Variants in MOB3B observed in about 807,000 individuals in gnomAD.
MOB3B encodes MOB kinase activator-like 2B.
In MOB3B, 7 loss-of-function variants were observed where a neutral mutation model predicts 18.7. That is an observed-to-expected ratio of 0.37 (90% CI 0.21 to 0.70). MOB3B has a LOEUF of 0.70. Ranked by LOEUF, MOB3B falls within the 30% of genes least tolerant of loss-of-function variation. MOB3B has a pLI of 0.52. For missense variants in MOB3B, 253 were observed against 281.3 expected (o/e 0.90, Z 0.72); for synonymous variants, 111 against 99.9 (o/e 1.11, Z -0.66).
chr9:27,330,218 T>C lies in MOB3B; in HGVS notation c.*369A>G, dbSNP rs1446538425. 1 of 179,202 alleles carries C rather than the reference T, an allele frequency of 5.6e-6. No homozygotes were observed. The highest frequency in any genetic ancestry group is 1.4e-4 in the East Asian group (1 of 7,052). 11.1% of individuals were successfully genotyped at this position (179,202 alleles called of 1,614,324 possible). On this transcript the variant is annotated 3_prime_UTR_variant, in exon 4 of 4. Coordinates refer to ENST00000262244, the MANE Select transcript of MOB3B (RefSeq NM_024761.5). Reference sequence around the variant, plus strand: ...CTGACAAGACAGATAAGTGGAAAAATACGAACACGCATCTCAGTCTCAAAA... The same window carrying C: ...CTGACAAGACAGATAAGTGGAAAAACACGAACACGCATCTCAGTCTCAAAA...
rs145059095 is a variant in MOB3B at position 27,393,725 on chromosome 9, G to A, written c.419-34489C>T. Among the ~76,000 whole-genome samples, 5 of 152,202 alleles carry A rather than the reference G, an allele frequency of 3.3e-5. No individual in the cohort carries two copies. In the East Asian group the frequency reaches 9.6e-4, roughly 29 times the overall value. On this transcript the variant is annotated intron_variant, in intron 2 of 3. Coordinates refer to ENST00000262244, the MANE Select transcript of MOB3B (RefSeq NM_024761.5). ...ATTTTATTCCTCACAACAAACCTTCGATTATTATCCCCACTTTCCAGATGA... is the reference window on the plus strand; with the variant it reads ...ATTTTATTCCTCACAACAAACCTTCAATTATTATCCCCACTTTCCAGATGA...
intron 2 of MOB3B, among the ~76,000 whole-genome samples, chr9:27,366,753 A>G (rs1180202047): frequency 6.6e-6 from 1 of 152,178 alleles, no homozygotes; most frequent in Non-Finnish European, 1.5e-5. Context: ...TCTGAAGAGT[A>G]AGAACCAAAA....
At chr9:27,492,112 G>A (rs1271665208) in intron 1 of MOB3B, among the ~76,000 whole-genome samples, 1 of 152,202 alleles carries the variant, frequency 6.6e-6, no homozygotes, top group South Asian at 2.1e-4. Flanking sequence ...GCAAATTGCA[G>A]GGTATTTGCA....
At chr9:27,478,834 C>T (rs1165843443) in intron 1 of MOB3B, among the ~76,000 whole-genome samples, 1 of 151,692 alleles carries the variant, frequency 6.6e-6, no homozygotes, top group Non-Finnish European at 1.5e-5. Flanking sequence ...CACACACACA[C>T]ACACACACAC....
At chr9:27,478,506 A>G (rs1819595382) in intron 1 of MOB3B, among the ~76,000 whole-genome samples, 1 of 152,230 alleles carries the variant, frequency 6.6e-6, no homozygotes, top group African/African-American at 2.4e-5. Context: ...TAAAGATGAG[A>G]AAAACATGTT....
chr9:27,485,333 T>G (rs545971747), intron 1 of MOB3B, among the ~76,000 whole-genome samples: 31 of 152,304 alleles, frequency 2.0e-4, no homozygotes, highest in African/African-American at 6.3e-4. Flanking sequence ...GGAAATGGGT[T>G]CACTGAGGTT....
At chr9:27,529,033 C>T (rs961471945) in intron 1 of MOB3B, among the ~76,000 whole-genome samples, 1 of 152,112 alleles carries the variant, frequency 6.6e-6, no homozygotes, top group African/African-American at 2.4e-5. Context: ...TCGTCAGCCC[C>T]GGGGGCGACC....
chr9:27,529,239 A>G (rs1481355679), intron 1 of MOB3B, among the ~76,000 whole-genome samples: 1 of 151,882 alleles, frequency 6.6e-6, no homozygotes, highest in African/African-American at 2.4e-5. Flanking sequence ...CGAAAGAAGG[A>G]CGATCTTATT....
intron 1 of MOB3B, among the ~76,000 whole-genome samples, chr9:27,504,871 G>A (rs932642327): frequency 4.6e-5 from 7 of 152,130 alleles, no homozygotes; most frequent in Non-Finnish European, 2.9e-5. Flanking sequence ...AGGTTCTCAG[G>A]GAGAATCCAC....
intron 3 of MOB3B, among the ~76,000 whole-genome samples, chr9:27,335,893 G>C (rs139224236): frequency 1.3e-5 from 2 of 152,312 alleles, no homozygotes; most frequent in East Asian, 3.9e-4. Context: ...TGCTCTTGAA[G>C]AGAGAAAACC....
intron 1 of MOB3B, among the ~76,000 whole-genome samples, chr9:27,470,451 C>T (rs1819454014): frequency 6.6e-6 from 1 of 152,160 alleles, no homozygotes; most frequent in South Asian, 2.1e-4. Flanking sequence ...ATCCCTGCCC[C>T]TGCCCTTTCT....
intron 3 of MOB3B, among the ~76,000 whole-genome samples, chr9:27,348,454 A>G (rs2131345953): frequency 1.3e-5 from 2 of 152,176 alleles, no homozygotes; most frequent in South Asian, 4.1e-4. Context: ...GGAGTTCCAG[A>G]CCAGCCTGGC....
chr9:27,372,122 G>A (rs1265965627), intron 2 of MOB3B, among the ~76,000 whole-genome samples: 2 of 152,096 alleles, frequency 1.3e-5, no homozygotes, highest in Non-Finnish European at 2.9e-5. Context: ...TGGAGAAAAT[G>A]GCTGATTCTA....
intron 1 of MOB3B, chr9:27,524,721 T>C (rs1381868479): frequency 6.2e-7 from 1 of 1,613,910 alleles, no homozygotes; most frequent in Non-Finnish European, 8.5e-7. Context: ...GAACCAATGC[T>C]TGGAGGAAGA....
chr9:27,501,784 T>C (rs1307859795), intron 1 of MOB3B, among the ~76,000 whole-genome samples: 1 of 146,918 alleles, frequency 6.8e-6, no homozygotes, highest in East Asian at 2.0e-4. Context: ...AAAAAAAAAG[T>C]GCTATTTGTG....
chr9:27,369,302 A>C (rs536504800), intron 2 of MOB3B, among the ~76,000 whole-genome samples: 132 of 152,330 alleles, frequency 8.7e-4, no homozygotes, highest in African/African-American at 3.2e-3. Flanking sequence ...TTTATTCCCC[A>C]GTAGAATCTT....
intron 1 of MOB3B, among the ~76,000 whole-genome samples, chr9:27,522,420 CATAT>C (rs66472709): frequency 0.33 from 46,857 of 141,060 alleles, 8,639 homozygotes; most frequent in Non-Finnish European, 0.43. Context: ...GACATTTTTT[CATAT>C]ATATATATAT....
chr9:27,439,213 G>A (rs1297989837), intron 2 of MOB3B, among the ~76,000 whole-genome samples: 8 of 152,096 alleles, frequency 5.3e-5, no homozygotes, highest in Non-Finnish European at 8.8e-5. Context: ...AAGAGGAAAG[G>A]CAAACAGAAT....
intron 2 of MOB3B, among the ~76,000 whole-genome samples, chr9:27,396,536 A>G (rs1245064725): frequency 6.6e-6 from 1 of 152,140 alleles, no homozygotes; most frequent in Admixed American, 6.6e-5. Flanking sequence ...AATGATATGT[A>G]CCTTGTTTTT....
Sources: allele counts gnomAD v4.1 joint callset (sites outside exome capture counted in the v4.1 genomes callset), GRCh38; gene constraint gnomAD v4.1.1; transcripts MANE v1.5; gene names NCBI Gene and HGNC (gene_info 2026-07-23, HGNC 2026-07-21).